The following YAP1 variants were observed in gnomAD, a reference collection of about 807,000 sequenced individuals.
YAP1 encodes transcriptional coactivator YAP1.
A neutral mutation model predicts 56.9 loss-of-function variants in YAP1; 5 were observed. The ratio of observed to expected loss-of-function variants is 0.09; its 90% CI spans 0.05 to 0.18. The LOEUF (loss-of-function observed/expected upper bound fraction) is 0.18. YAP1 is among the 10% of genes least tolerant of loss of function. The pLI is 1.00. For synonymous variants in YAP1, 265 were observed against 248.1 expected (o/e 1.07, Z -0.64); for missense variants, 539 against 651.8 (o/e 0.83, Z 1.88).
intron 2 of YAP1, among the ~76,000 whole-genome samples, chr11:102,161,299 T>C (rs1477652519): frequency 6.6e-6 from 1 of 151,074 alleles, no homozygotes; most frequent in Non-Finnish European, 1.5e-5. Context: ...CCTGACCTTG[T>C]GATCTGCCCG....
At chr11:102,127,938 C>T (rs1944134387) in intron 2 of YAP1, among the ~76,000 whole-genome samples, 1 of 152,164 alleles carries the variant, frequency 6.6e-6, no homozygotes, top group Non-Finnish European at 1.5e-5. Flanking sequence ...CTCGCATGGG[C>T]CCTGTAACCC....
chr11:102,162,634 T>C, intron 3 of YAP1, 63 bp downstream of exon 3: 2 of 1,485,338 alleles, frequency 1.3e-6, no homozygotes, highest in Non-Finnish European at 1.9e-6. Flanking sequence ...AAAGTTGATG[T>C]GGAAAATAGT....
chr11:102,204,168 A>G (rs555913070), intron 4 of YAP1, among the ~76,000 whole-genome samples: 1 of 151,366 alleles, frequency 6.6e-6, no homozygotes, highest in African/African-American at 2.4e-5. Flanking sequence ...GACAGACAGT[A>G]GGATTGTTTG....
chr11:102,125,040 ATTT>A (rs746473496), intron 2 of YAP1, among the ~76,000 whole-genome samples: 1 of 141,920 alleles, frequency 7.0e-6, no homozygotes. Flanking sequence ...GCCTAGCCAG[ATTT>A]TTTTTTTTTT....
chr11:102,189,863 T>A (rs561925231), intron 4 of YAP1, among the ~76,000 whole-genome samples: 17 of 152,332 alleles, frequency 1.1e-4, no homozygotes, highest in African/African-American at 3.8e-4. Context: ...AGTTAAATAT[T>A]TGGCATTAAT....
At chr11:102,143,722 C>G (rs7130772) in intron 2 of YAP1, among the ~76,000 whole-genome samples, 59,145 of 152,116 alleles carry the variant, frequency 0.39, 11,820 homozygotes, top group African/African-American at 0.47. Flanking sequence ...ATCTGAAAAC[C>G]AGTGTTTTAA....
At chr11:102,164,932 G>A (rs1946511650) in intron 3 of YAP1, among the ~76,000 whole-genome samples, 1 of 152,166 alleles carries the variant, frequency 6.6e-6, no homozygotes, top group South Asian at 2.1e-4. Flanking sequence ...ATGTTGGTCA[G>A]GCTGGTCTTG....
chr11:102,119,040 A>G (rs1418132000), intron 2 of YAP1, among the ~76,000 whole-genome samples: 1 of 151,802 alleles, frequency 6.6e-6, no homozygotes, highest in African/African-American at 2.4e-5. Context: ...TGCAATCACG[A>G]AGTATTTCCC....
intron 4 of YAP1, among the ~76,000 whole-genome samples, chr11:102,202,421 C>T (rs1179644108): frequency 4.0e-5 from 6 of 150,736 alleles, no homozygotes; most frequent in South Asian, 2.1e-4. Flanking sequence ...CCTCGTGATC[C>T]GCCTGTCTCG....
intron 2 of YAP1, among the ~76,000 whole-genome samples, chr11:102,134,948 A>C (rs1944588285): frequency 6.6e-6 from 1 of 151,936 alleles, no homozygotes; most frequent in Admixed American, 6.6e-5. Flanking sequence ...GCGCAGCCTC[A>C]GCTCACTGCA....
chr11:102,148,063 G>GTTAT (rs1201405911), intron 2 of YAP1, among the ~76,000 whole-genome samples: 2 of 152,102 alleles, frequency 1.3e-5, no homozygotes, highest in Non-Finnish European at 2.9e-5. Flanking sequence ...ACTATCCTTG[G>GTTAT]TTATTTAGAA....
At chr11:102,111,872 A>G (rs1591089956) in intron 1 of YAP1, among the ~76,000 whole-genome samples, 1 of 142,202 alleles carries the variant, frequency 7.0e-6, no homozygotes, top group Admixed American at 7.3e-5. Flanking sequence ...CTCGCGGCTC[A>G]GGCGATTTCG....
At chr11:102,179,559 C>A (rs766287213) in intron 3 of YAP1, among the ~76,000 whole-genome samples, 1 of 152,200 alleles carries the variant, frequency 6.6e-6, no homozygotes, top group Non-Finnish European at 1.5e-5. Context: ...CTGGAATGCC[C>A]ATGCCCGGAA....
chr11:102,123,421 A>G (rs1301912080), intron 2 of YAP1, among the ~76,000 whole-genome samples: 3 of 151,944 alleles, frequency 2.0e-5, no homozygotes, highest in African/African-American at 7.3e-5. Flanking sequence ...TGGGTTGGGT[A>G]CCCAATTTTT....
intron 4 of YAP1, among the ~76,000 whole-genome samples, chr11:102,204,351 T>A (rs965677774): frequency 3.9e-5 from 6 of 152,216 alleles, no homozygotes; most frequent in Non-Finnish European, 5.9e-5. Flanking sequence ...TCAGTATTTT[T>A]TCAGCGCACA....
chr11:102,142,432 A>AT (rs779772610), intron 2 of YAP1, among the ~76,000 whole-genome samples: 2 of 152,232 alleles, frequency 1.3e-5, no homozygotes, highest in African/African-American at 4.8e-5. Context: ...GAAGTTTGAG[A>AT]TTTTAACTTG....
At chr11:102,193,039 C>A (rs776002164) in intron 4 of YAP1, among the ~76,000 whole-genome samples, 2 of 152,160 alleles carry the variant, frequency 1.3e-5, no homozygotes, top group African/African-American at 4.8e-5. Flanking sequence ...GCTTTATTGC[C>A]TTAAAGATGA....
At chr11:102,163,803 C>T (rs955141513) in intron 3 of YAP1, among the ~76,000 whole-genome samples, 4 of 152,150 alleles carry the variant, frequency 2.6e-5, no homozygotes, top group African/African-American at 7.2e-5. Context: ...TTCTGCCCCT[C>T]GTGCTGGAAT....
intron 2 of YAP1, among the ~76,000 whole-genome samples, chr11:102,122,843 A>T (rs865968199): frequency 6.8e-6 from 1 of 146,820 alleles, no homozygotes; most frequent in African/African-American, 2.5e-5. Flanking sequence ...GCAGCAGTGA[A>T]TCGAGATCGA....
Sources: gnomAD v4.1 joint callset for allele counts (sites outside exome capture counted in the v4.1 genomes callset) on GRCh38, gnomAD v4.1.1 for gene constraint, MANE v1.5 for transcripts, NCBI Gene and HGNC (gene_info 2026-07-23, HGNC 2026-07-21) for gene names.